TENM4: variants seen among roughly 807,000 people sequenced by gnomAD.
TENM4 encodes the protein teneurin-4.
Under a neutral mutation model 243.3 loss-of-function variants are expected in TENM4, and 82 were observed. The ratio of observed to expected loss-of-function variants is 0.34; its 90% CI spans 0.28 to 0.40. The LOEUF is 0.40. TENM4 is among the 10% of genes least tolerant of loss of function. TENM4 has a pLI of 1.00. For synonymous variants in TENM4, 1,412 were observed against 1,456.3 expected (o/e 0.97, Z 0.69); for missense variants, 3,138 against 3,673.3 (o/e 0.85, Z 3.77).
At chr11:78,975,900 C>T (rs1857643966) in intron 6 of TENM4, among the ~76,000 whole-genome samples, 1 of 152,082 alleles carries the variant, frequency 6.6e-6, no homozygotes, top group Non-Finnish European at 1.5e-5. Flanking sequence ...AATCAACCCT[C>T]ATGCCCCTTG....
At chr11:79,124,066 A>T (rs1046224454) in intron 4 of TENM4, among the ~76,000 whole-genome samples, 1 of 152,098 alleles carries the variant, frequency 6.6e-6, no homozygotes, top group Non-Finnish European at 1.5e-5. Context: ...TACTATGTCA[A>T]ATTCATATTG....
At chr11:79,129,001 G>A (rs1861939742) in intron 4 of TENM4, among the ~76,000 whole-genome samples, 1 of 152,192 alleles carries the variant, frequency 6.6e-6, no homozygotes, top group Admixed American at 6.5e-5. Flanking sequence ...GAAGGAAGCA[G>A]ACAGCTCCTG....
intron 1 of TENM4, among the ~76,000 whole-genome samples, chr11:79,330,703 C>T (rs1248976143): frequency 1.3e-5 from 2 of 152,160 alleles, no homozygotes; most frequent in Non-Finnish European, 2.9e-5. Flanking sequence ...CAAATTAACC[C>T]TGTGAAATTT....
intron 1 of TENM4, among the ~76,000 whole-genome samples, chr11:79,309,615 T>C (rs576651287): frequency 1.2e-4 from 18 of 152,246 alleles, no homozygotes; most frequent in Admixed American, 1.1e-3. Flanking sequence ...CAAATATAAA[T>C]ACGAAGATAA....
rs188839722 is a variant in TENM4, at chr11:78,951,605, G to C, written c.494-48082C>G. On this transcript the variant is annotated intron_variant, in intron 6 of 33. Transcript: ENST00000278550. The stretch of plus-strand genomic sequence containing the variant: ...TCTGATGGGATTCGGTTTCTGGTGA[G>C]GGCTCTCTTCGTGGCTTGTAGATGG... Among the ~76,000 whole-genome samples, 483 of 152,306 alleles carry C rather than the reference G, an allele frequency of 3.2e-3. 1 individual carries two copies. The highest frequency in any genetic ancestry group is 5.0e-3 in the Non-Finnish European group (341 of 68,020).
At position 78,889,883 on chromosome 11, in the gene TENM4, T is replaced by A. The variant is rs1405155450; in HGVS notation, c.986A>T (p.Asn329Ile). 3.9e-6 allele frequency: 6 copies of A among 1,551,472 alleles called. No homozygotes were observed. The highest frequency in any genetic ancestry group is 5.2e-6 in the Non-Finnish European group (6 of 1,146,906). ...PRSTFARPAF[N>I]LKKPSKYCNW... ...ACAGTACTTGGAGGGCTTCTTGAGG[T>A]TAAAGGCCGGCCGGGCGAAGGTGCT... Residue 329 changes from asparagine to isoleucine, a missense_variant, in exon 9 of 34, where the codon AAC becomes ATC. This residue lies in a region of TENM4 where 671 missense variants were observed against 614.1 expected (regional missense o/e 1.09). Transcript: ENST00000278550.
chr11:78,729,727 G>C (rs1308246324), intron 21 of TENM4, 84 bp from the exon 22 acceptor site: 1 of 1,501,500 alleles, frequency 6.7e-7, no homozygotes, highest in Non-Finnish European at 8.9e-7. Context: ...ATGGACTCTG[G>C]GTGTTCAGGA....
At chr11:79,125,836 C>T (rs1324459802) in intron 4 of TENM4, among the ~76,000 whole-genome samples, 1 of 152,100 alleles carries the variant, frequency 6.6e-6, no homozygotes, top group African/African-American at 2.4e-5. Context: ...TGCTTCTAGA[C>T]CTATAACTAA....
At chr11:79,132,836 A>G (rs549030980) in intron 4 of TENM4, among the ~76,000 whole-genome samples, 4 of 152,318 alleles carry the variant, frequency 2.6e-5, no homozygotes, top group African/African-American at 9.6e-5. Flanking sequence ...CCTCTGGGAT[A>G]TGACAAAGGT....
intron 1 of TENM4, among the ~76,000 whole-genome samples, chr11:79,385,853 C>G (rs985634896): frequency 6.6e-6 from 1 of 152,136 alleles, no homozygotes; most frequent in African/African-American, 2.4e-5. Context: ...TGTGCCCCTC[C>G]TCCCTCCAAG....
intron 29 of TENM4, among the ~76,000 whole-genome samples, chr11:78,685,092 T>G (rs936696067): frequency 5.3e-5 from 8 of 152,208 alleles, no homozygotes; most frequent in Non-Finnish European, 1.2e-4. Context: ...TGCCTCAAAC[T>G]TGCTATGCAT....
intron 1 of TENM4, among the ~76,000 whole-genome samples, chr11:79,382,984 G>T (rs955710403): frequency 6.6e-6 from 1 of 152,062 alleles, no homozygotes; most frequent in African/African-American, 2.4e-5. Context: ...TGGCCTCCTG[G>T]GTCTCCCTCT....
rs1337733312 is a variant in TENM4 at position 78,672,085 on chromosome 11, G to A, written c.5741C>T (p.Thr1914Ile). ...RMEYDQAGRI[T>I]SRIFADGKTW... ...CTTCCCATCAGCGAAGATCCTGGAT[G>A]TGATGCGGCCCGCCTGGTCGTATTC... The change falls in exon 31 of 34, where the codon ACA (threonine) becomes ATA (isoleucine). Residue 1914 changes from threonine to isoleucine, a missense_variant. By Grantham distance (89) the Thr-to-Ile change is moderately conservative (BLOSUM62 -1). Around this residue, in one of 2 missense-constraint regions of TENM4, gnomAD observed 2,467 missense variants for 3,059.1 expected, o/e 0.81. Transcript: ENST00000278550. 1 of 1,613,928 alleles carries A rather than the reference G, an allele frequency of 6.2e-7. No homozygotes were observed. The highest frequency in any genetic ancestry group is 8.5e-7 in the Non-Finnish European group (1 of 1,179,916).
intron 21 of TENM4, among the ~76,000 whole-genome samples, chr11:78,730,072 T>G (rs1185924596): frequency 1.3e-5 from 2 of 152,214 alleles, no homozygotes; most frequent in Non-Finnish European, 2.9e-5. Context: ...CCACTGGTTC[T>G]CAAGCTGTGT....
chr11:78,872,611 C>T (rs1565416748), intron 9 of TENM4, among the ~76,000 whole-genome samples: 1 of 152,240 alleles, frequency 6.6e-6, no homozygotes, highest in Non-Finnish European at 1.5e-5. Flanking sequence ...GGACCAGCCT[C>T]TCACCTGAGA....
intron 6 of TENM4, among the ~76,000 whole-genome samples, chr11:78,947,855 T>A (rs1857032857): frequency 6.6e-6 from 1 of 152,220 alleles, no homozygotes; most frequent in Admixed American, 6.5e-5. Flanking sequence ...AGGAAGGGCC[T>A]GTTTTATCAC....
chr11:79,027,281 C>A (rs150325894), intron 6 of TENM4, among the ~76,000 whole-genome samples: 1 of 152,168 alleles, frequency 6.6e-6, no homozygotes, highest in African/African-American at 2.4e-5. Context: ...CAAAGATTCA[C>A]GCAGTCACCA....
chr11:78,879,276 T>A (rs36136818), intron 9 of TENM4, among the ~76,000 whole-genome samples: 4 of 89,484 alleles, frequency 4.5e-5, no homozygotes, highest in African/African-American at 1.2e-4. Flanking sequence ...GCAGCCGCCC[T>A]GTCTGGGATG....
At chr11:79,079,482 A>G (rs922200466) in intron 4 of TENM4, among the ~76,000 whole-genome samples, 3 of 152,176 alleles carry the variant, frequency 2.0e-5, no homozygotes, top group African/African-American at 7.2e-5. Context: ...CCTGCCCCCA[A>G]AGTCACGTAG....
Sources: gnomAD v4.1 joint callset for allele counts (sites outside exome capture counted in the v4.1 genomes callset) on GRCh38, gnomAD v4.1.1 for gene constraint, gnomAD v4.1.1 regional missense constraint, MANE v1.5 for transcripts, NCBI Gene and HGNC (gene_info 2026-07-23, HGNC 2026-07-21) for gene names.